Variants in EYA4 observed in about 807,000 individuals in gnomAD.
The protein encoded by EYA4 is protein phosphatase EYA4.
Under a neutral mutation model 87.9 loss-of-function variants are expected in EYA4, and 31 were observed. That is an observed-to-expected ratio of 0.35 (90% CI 0.27 to 0.48). The LOEUF (loss-of-function observed/expected upper bound fraction) is 0.48, where lower values mean the gene tolerates loss of function less well. EYA4 is among the 20% of genes least tolerant of loss of function. The pLI, the probability that EYA4 is intolerant of heterozygous loss-of-function variation, is 0.99. For synonymous variants in EYA4, 263 were observed against 270.6 expected (o/e 0.97, Z 0.28); for missense variants, 678 against 761.4 (o/e 0.89, Z 1.29).
At chr6:133,243,539 A>AAGTTGAC (rs3836957) in intron 1 of EYA4, among the ~76,000 whole-genome samples, 39,432 of 151,640 alleles carry the variant, frequency 0.26, 5,566 homozygotes, top group East Asian at 0.44. Flanking sequence ...ACAGGATTGA[A>AAGTTGAC]AGTTGACGAT....
intron 10 of EYA4, among the ~76,000 whole-genome samples, chr6:133,467,962 G>A (rs1051355796): frequency 6.6e-6 from 1 of 151,942 alleles, no homozygotes; most frequent in African/African-American, 2.4e-5. Context: ...TCATTGAAAA[G>A]TTCACTAAAG....
chr6:133,474,055 C>T (rs918337602), intron 11 of EYA4, among the ~76,000 whole-genome samples: 1 of 151,994 alleles, frequency 6.6e-6, no homozygotes, highest in African/African-American at 2.4e-5. Context: ...CCTCTTATCA[C>T]CCTGTGGAAG....
chr6:133,427,990 C>CTGAT (rs886682843), intron 3 of EYA4, among the ~76,000 whole-genome samples: 2 of 152,094 alleles, frequency 1.3e-5, no homozygotes, highest in African/African-American at 4.8e-5. Context: ...GCTAGAAATG[C>CTGAT]TGATTGTACT....
At chr6:133,325,050 A>G (rs924362934) in intron 2 of EYA4, among the ~76,000 whole-genome samples, 1 of 151,746 alleles carries the variant, frequency 6.6e-6, no homozygotes, top group Non-Finnish European at 1.5e-5. Flanking sequence ...AGCTGGGACT[A>G]CAGTCGCCCA....
chr6:133,443,913 A>T (rs1465930951), intron 3 of EYA4, among the ~76,000 whole-genome samples: 7 of 152,272 alleles, frequency 4.6e-5, no homozygotes, highest in African/African-American at 1.7e-4. Context: ...AAATCTATCA[A>T]TATTTACTTT....
chr6:133,479,775 G>C (rs923414415), intron 11 of EYA4, among the ~76,000 whole-genome samples: 4 of 152,094 alleles, frequency 2.6e-5, no homozygotes, highest in Non-Finnish European at 5.9e-5. Context: ...GATTTAGAGA[G>C]ATTGAATAAA....
At chr6:133,371,483 A>G (rs767789655) in intron 2 of EYA4, among the ~76,000 whole-genome samples, 49 of 152,206 alleles carry the variant, frequency 3.2e-4, no homozygotes, top group Non-Finnish European at 4.6e-4. Context: ...CTAAACCACT[A>G]AAATGTTACT....
chr6:133,331,253 G>A (rs1384746047), intron 2 of EYA4, among the ~76,000 whole-genome samples: 1 of 151,978 alleles, frequency 6.6e-6, no homozygotes. Flanking sequence ...ATCTCTAATG[G>A]ACTTTTAAAA....
intron 2 of EYA4, among the ~76,000 whole-genome samples, chr6:133,334,429 G>A (rs1347852680): frequency 6.6e-6 from 1 of 152,180 alleles, no homozygotes; most frequent in Non-Finnish European, 1.5e-5. Context: ...TTGCAGGTTA[G>A]TGGTAATAGT....
chr6:133,458,782 A>C (rs1490563078), intron 6 of EYA4, among the ~76,000 whole-genome samples: 2 of 152,096 alleles, frequency 1.3e-5, no homozygotes, highest in African/African-American at 4.8e-5. Context: ...ATGGCACGAT[A>C]ATGAGAATGA....
chr6:133,531,968 T>G lies in EYA4; in HGVS notation c.*3163T>G, dbSNP rs185303391. 36 of 152,344 alleles carry G rather than the reference T, an allele frequency of 2.4e-4. No individual in the cohort carries two copies. The East Asian group carries it at 5.8e-3, about 24-fold the overall frequency. 9.4% of individuals were successfully genotyped at this position (152,344 alleles called of 1,614,324 possible). ...CGGTAGCATTATGGACATCTCACAA[T>G]GTCAAGGGTTTCTGTTATGTATTAG... is the stretch of plus-strand genomic sequence containing the variant. On this transcript the variant is annotated 3_prime_UTR_variant, in exon 20 of 20. Transcript: ENST00000355286.
Position 133,446,712 on chromosome 6 carries a change from T to C in EYA4, c.166T>C (p.Ser56Pro). 1 of 1,613,998 alleles carries C rather than the reference T, an allele frequency of 6.2e-7. No individual in the cohort carries two copies. The highest frequency in any genetic ancestry group is 8.5e-7 in the Non-Finnish European group (1 of 1,179,960). The change falls in exon 4 of 20, where the codon TCT becomes CCT. Residue 56 changes from serine (S) to proline (P), a missense_variant. Transcript: ENST00000355286. Reference sequence around the variant, plus strand: ...TCCAGGTAGCTCCAAACTGGAAAAATCTAATCTCAGCAGCACATCAGTTAC... The same window carrying C: ...TCCAGGTAGCTCCAAACTGGAAAAACCTAATCTCAGCAGCACATCAGTTAC... ...DTPGSSKLEKSNLSSTSVTTN... is the reference protein window; with the variant it reads ...DTPGSSKLEKPNLSSTSVTTN...
intron 6 of EYA4, 34 bp downstream of exon 6, chr6:133,456,682 C>T: frequency 7.9e-7 from 1 of 1,270,844 alleles, no homozygotes; most frequent in Non-Finnish European, 1.2e-6. Flanking sequence ...CTTACGTACA[C>T]ATGGGGGTGC....
chr6:133,324,904 ATT>A lies in EYA4; in HGVS notation c.33+50114_33+50115del, dbSNP rs756478373. On this transcript the variant is annotated intron_variant, in intron 2 of 19. Coordinates refer to ENST00000355286, the MANE Select transcript of EYA4 (RefSeq NM_004100.5). ...ATTTATGGAGTATATTTCAGAAGCT[ATT>A]TTTTTTTTTTTTTTTTTTTTTTGAG... Among the ~76,000 whole-genome samples, 335 of 83,594 alleles carry A rather than the reference ATT, an allele frequency of 4.0e-3. 1 individual carries two copies. Among genetic ancestry groups the A allele is most frequent in the Middle Eastern group, 8.9e-3 (1 of 112 alleles). 54.8% of individuals were successfully genotyped at this position (83,594 alleles called of 152,430 possible).
intron 2 of EYA4, among the ~76,000 whole-genome samples, chr6:133,380,784 A>G (rs1480573767): frequency 6.6e-6 from 1 of 151,914 alleles, no homozygotes; most frequent in Admixed American, 6.6e-5. Flanking sequence ...TTTTTAAAAA[A>G]GTATTTCTCC....
chr6:133,412,937 T>C (rs1789369870), intron 3 of EYA4, among the ~76,000 whole-genome samples: 1 of 152,194 alleles, frequency 6.6e-6, no homozygotes. Flanking sequence ...AGAACAAGCC[T>C]GCACACCTCT....
At chr6:133,392,836 G>T (rs1477864615) in intron 3 of EYA4, among the ~76,000 whole-genome samples, 1 of 152,068 alleles carries the variant, frequency 6.6e-6, no homozygotes, top group Non-Finnish European at 1.5e-5. Flanking sequence ...CCAGAAAATG[G>T]CTGTGTTCCT....
intron 1 of EYA4, among the ~76,000 whole-genome samples, chr6:133,249,876 A>G (rs1774744679): frequency 6.6e-6 from 1 of 152,218 alleles, no homozygotes; most frequent in South Asian, 2.1e-4. Flanking sequence ...AATAGATTAC[A>G]TTAGTCTAAA....
Position 133,523,088 on chromosome 6 carries a change from C to T in EYA4, c.1649C>T (p.Thr550Ile). ...SNCINVLVTT[T>I]QLIPALAKVL... Reference sequence around the variant, plus strand: ...TGCATAAATGTCTTGGTAACGACAACTCAACTGATCCCAGCACTTGCGAAG... The same window carrying T: ...TGCATAAATGTCTTGGTAACGACAATTCAACTGATCCCAGCACTTGCGAAG... Residue 550 changes from threonine (T) to isoleucine (I), a missense_variant, in exon 18 of 20, where the codon ACT becomes ATT. Transcript: ENST00000355286. 1.2e-6 allele frequency: 2 copies of T among 1,612,426 alleles called. No homozygotes were observed. Among genetic ancestry groups the T allele is most frequent in the Non-Finnish European group, 1.7e-6 (2 of 1,178,698 alleles).
Sources: gnomAD v4.1 joint callset for allele counts (sites outside exome capture counted in the v4.1 genomes callset) on GRCh38, gnomAD v4.1.1 for gene constraint, MANE v1.5 for transcripts, NCBI Gene and HGNC (gene_info 2026-07-23, HGNC 2026-07-21) for gene names.